The following LRRTM4 variants were observed in gnomAD, a reference collection of about 807,000 sequenced individuals.
LRRTM4 encodes leucine rich repeat transmembrane neuronal 4, also known as leucine-rich repeat transmembrane neuronal protein 4.
Under a neutral mutation model 47.6 loss-of-function variants are expected in LRRTM4, and 25 were observed. That is an observed-to-expected ratio of 0.53 (90% CI 0.38 to 0.73). The LOEUF is 0.73. LRRTM4 is among the 30% of genes least tolerant of loss of function. The pLI is 0.00. For missense variants in LRRTM4, 638 were observed against 713.4 expected (o/e 0.89, Z 1.20); for synonymous variants, 311 against 269.5 (o/e 1.15, Z -1.51).
rs7595914 is a variant in LRRTM4 at position 77,336,224 on chromosome 2, G to A, written c.1551+182094C>T. Among the ~76,000 whole-genome samples, 939 of 148,068 alleles carry A rather than the reference G, an allele frequency of 6.3e-3. 10 individuals are homozygous for A. The highest frequency in any genetic ancestry group is 0.022 in the African/African-American group (897 of 40,068). ...GGAAAGAAGGAAGGAAGGGAGAAAG[G>A]AAAGAAAGGAAGGAAGGAAGAAAGG... On this transcript the variant is annotated intron_variant, in intron 3 of 3. Transcript: ENST00000409884.
intron 3 of LRRTM4, among the ~76,000 whole-genome samples, chr2:76,762,729 G>T (rs1673302360): frequency 6.6e-6 from 1 of 152,196 alleles, no homozygotes; most frequent in Non-Finnish European, 1.5e-5. Flanking sequence ...GAAGGCCTAG[G>T]TGGGAGGATT....
chr2:76,768,889 C>T (rs76333551), intron 3 of LRRTM4, among the ~76,000 whole-genome samples: 11,243 of 152,086 alleles, frequency 0.074, 787 homozygotes, highest in East Asian at 0.3. Context: ...TATTTGTAGG[C>T]TATAGAATGT....
chr2:76,766,406 T>C (rs1673457772), intron 3 of LRRTM4, among the ~76,000 whole-genome samples: 1 of 152,184 alleles, frequency 6.6e-6, no homozygotes, highest in African/African-American at 2.4e-5. Flanking sequence ...TGTCTTTCTA[T>C]GTTATCCCAA....
At chr2:77,215,939 C>G (rs930382004) in intron 3 of LRRTM4, among the ~76,000 whole-genome samples, 1 of 152,108 alleles carries the variant, frequency 6.6e-6, no homozygotes, top group Non-Finnish European at 1.5e-5. Flanking sequence ...TTGAAAAATT[C>G]TGGGTCAGTA....
intron 3 of LRRTM4, among the ~76,000 whole-genome samples, chr2:77,475,230 G>C (rs1272176254): frequency 2.0e-5 from 3 of 151,984 alleles, no homozygotes; most frequent in Non-Finnish European, 4.4e-5. Flanking sequence ...AGCACAGGTG[G>C]TACTGTTTTT....
At chr2:77,456,610 C>G (rs1307827274) in intron 3 of LRRTM4, among the ~76,000 whole-genome samples, 1 of 152,070 alleles carries the variant, frequency 6.6e-6, no homozygotes, top group Non-Finnish European at 1.5e-5. Context: ...TAGTTTATCT[C>G]ACATTAAAAT....
intron 3 of LRRTM4, among the ~76,000 whole-genome samples, chr2:77,007,783 G>A (rs527832827): frequency 6.6e-6 from 1 of 152,244 alleles, no homozygotes; most frequent in South Asian, 2.1e-4. Flanking sequence ...AGAGAGTTCT[G>A]TGAATAGAAA....
chr2:77,369,734 A>G (rs1672590885), intron 3 of LRRTM4, among the ~76,000 whole-genome samples: 1 of 151,732 alleles, frequency 6.6e-6, no homozygotes, highest in African/African-American at 2.4e-5. Flanking sequence ...AGAGCCTACT[A>G]CCCACCTAGG....
At position 76,795,916 on chromosome 2, in the gene LRRTM4, C is replaced by G. The variant is rs1011123735; in HGVS notation, c.1552-47000G>C. Among the ~76,000 whole-genome samples the G allele has an allele frequency of 3.3e-5, 5 of 151,750 alleles. No homozygotes were observed. The South Asian group carries it at 1.0e-3, about 32-fold the overall frequency. On this transcript the variant is annotated intron_variant, in intron 3 of 3. Coordinates refer to ENST00000409884, the MANE Select transcript of LRRTM4 (RefSeq NM_001134745.3). ...TCCATCTGAGGTACCGGGTTCATCTCATTGGGAGTGCCAGACAGTGGGCGC... is the reference window on the plus strand; with the variant it reads ...TCCATCTGAGGTACCGGGTTCATCTGATTGGGAGTGCCAGACAGTGGGCGC...
intron 3 of LRRTM4, among the ~76,000 whole-genome samples, chr2:76,841,012 C>T (rs1170237344): frequency 1.3e-5 from 2 of 151,090 alleles, no homozygotes; most frequent in Admixed American, 1.3e-4. Context: ...ATAGCAAAGA[C>T]TTGGAACCAA....
At chr2:76,943,829 G>C (rs2103868711) in intron 3 of LRRTM4, among the ~76,000 whole-genome samples, 1 of 152,156 alleles carries the variant, frequency 6.6e-6, no homozygotes, top group East Asian at 1.9e-4. Flanking sequence ...TTAATGTCTT[G>C]CTTATCTTCT....
At chr2:77,156,275 ATAAT>A (rs1672557252) in intron 3 of LRRTM4, among the ~76,000 whole-genome samples, 1 of 151,814 alleles carries the variant, frequency 6.6e-6, no homozygotes, top group Admixed American at 6.6e-5. Context: ...AGAATTTAAA[ATAAT>A]TAAAGAAATA....
intron 3 of LRRTM4, among the ~76,000 whole-genome samples, chr2:77,149,199 A>C (rs534285833): frequency 6.6e-6 from 1 of 152,302 alleles, no homozygotes; most frequent in Non-Finnish European, 1.5e-5. Flanking sequence ...ACTGGATTTT[A>C]AAATTTTAAT....
intron 3 of LRRTM4, among the ~76,000 whole-genome samples, chr2:76,939,716 T>C (rs2103857462): frequency 6.6e-6 from 1 of 152,272 alleles, no homozygotes; most frequent in East Asian, 1.9e-4. Flanking sequence ...ATTACAGGTA[T>C]TTATGTTAGT....
At chr2:77,419,012 G>C in intron 3 of LRRTM4, among the ~76,000 whole-genome samples, 1 of 152,062 alleles carries the variant, frequency 6.6e-6, no homozygotes, top group Middle Eastern at 3.2e-3. Context: ...GTTTCTGCTA[G>C]ATTATAAGTT....
intron 3 of LRRTM4, among the ~76,000 whole-genome samples, chr2:77,169,882 G>T (rs917727231): frequency 2.0e-4 from 31 of 152,100 alleles, no homozygotes; most frequent in African/African-American, 7.5e-4. Context: ...TCTTCAATTT[G>T]TGTAAAGTTT....
At chr2:77,018,816 T>G (rs1350536259) in intron 3 of LRRTM4, among the ~76,000 whole-genome samples, 1 of 152,014 alleles carries the variant, frequency 6.6e-6, no homozygotes, top group Non-Finnish European at 1.5e-5. Flanking sequence ...AAACAATTGG[T>G]ATGTCACATT....
intron 3 of LRRTM4, among the ~76,000 whole-genome samples, chr2:76,909,774 T>C (rs1174396182): frequency 3.3e-5 from 5 of 152,094 alleles, no homozygotes; most frequent in Non-Finnish European, 7.3e-5. Flanking sequence ...ATCAGAGAAA[T>C]GCAAATCAAA....
intron 3 of LRRTM4, among the ~76,000 whole-genome samples, chr2:76,903,343 T>A (rs184071494): frequency 4.4e-4 from 67 of 152,254 alleles, no homozygotes; most frequent in African/African-American, 1.6e-3. Context: ...GAGACCAGCC[T>A]GGCCAATATG....
Sources: allele counts gnomAD v4.1 joint callset (sites outside exome capture counted in the v4.1 genomes callset), GRCh38; gene constraint gnomAD v4.1.1; transcripts MANE v1.5; gene names NCBI Gene and HGNC (gene_info 2026-07-23, HGNC 2026-07-21).